PLCD3: variants seen among roughly 807,000 people sequenced by gnomAD.
PLCD3 encodes 1-phosphatidylinositol 4,5-bisphosphate phosphodiesterase delta-3.
A neutral mutation model predicts 82.8 loss-of-function variants in PLCD3; 62 were observed. That is an observed-to-expected ratio of 0.75 (90% CI 0.61 to 0.93). The LOEUF (loss-of-function observed/expected upper bound fraction) is 0.93. Ranked by LOEUF, PLCD3 falls within the 40% of genes least tolerant of loss-of-function variation. The pLI, the probability that PLCD3 is intolerant of heterozygous loss-of-function variation, is 0.00. For synonymous variants in PLCD3, 478 were observed against 471.8 expected, an observed-to-expected ratio of 1.01 and a Z score of -0.17; for missense variants, 1,023 against 1,103.4, an observed-to-expected ratio of 0.93 and a Z score of 1.03.
intron 7 of PLCD3, 107 bp from the exon 8 acceptor site, chr17:45,116,891 T>G: frequency 4.4e-6 from 6 of 1,370,272 alleles, no homozygotes; most frequent in South Asian, 1.6e-5. Flanking sequence ...GGCAGGGCTC[T>G]GGAGAACCCA....
In PLCD3 at chr17:45,112,491, C is replaced by G; in HGVS notation, c.*125G>C. 9.3e-7 allele frequency: 1 copy of G among 1,072,844 alleles called. No individual in the cohort carries two copies. Among genetic ancestry groups the G allele is most frequent in the Non-Finnish European group, 1.4e-6 (1 of 728,730 alleles). 66.5% of individuals were successfully genotyped at this position (1,072,844 alleles called of 1,614,324 possible). A position where few individuals can be genotyped will look rare whatever the true frequency, so the allele number is the denominator to read the frequency against. The stretch of plus-strand genomic sequence containing the variant: ...GTGAGACCAGCGCCTGGTGAATGGG[C>G]TGAGTGGGCCAAGTGGGTGGGCTGG... On this transcript the variant is annotated 3_prime_UTR_variant, in exon 15 of 15. Coordinates refer to ENST00000619929, the MANE Select transcript of PLCD3 (RefSeq NM_133373.5).
At chr17:45,123,302 C>T (rs1007021283) in intron 1 of PLCD3, among the ~76,000 whole-genome samples, 3 of 152,202 alleles carry the variant, frequency 2.0e-5, no homozygotes, top group Non-Finnish European at 4.4e-5. Context: ...TTGATTTGTC[C>T]TCAAGTGGAC....
At chr17:45,124,891 A>G (rs761997417) in intron 1 of PLCD3, among the ~76,000 whole-genome samples, 2 of 152,250 alleles carry the variant, frequency 1.3e-5, no homozygotes, top group Non-Finnish European at 2.9e-5. Context: ...AACGAAAGCC[A>G]AAAGGTGGAA....
chr17:45,109,659 C>T lies in PLCD3; in HGVS notation c.*2957G>A. Reference sequence around the variant, plus strand: ...GCCTGACCCCTCTAAAGCCCCCCAACCCTCCTGTCCCAAACCAAGTCACTC... The same window carrying T: ...GCCTGACCCCTCTAAAGCCCCCCAATCCTCCTGTCCCAAACCAAGTCACTC... On this transcript the variant is annotated 3_prime_UTR_variant, in exon 15 of 15. Coordinates refer to ENST00000619929, the MANE Select transcript of PLCD3 (RefSeq NM_133373.5). The T allele has an allele frequency of 6.6e-6, 1 of 152,628 alleles. No individual in the cohort carries two copies. The highest frequency in any genetic ancestry group is 1.5e-5 in the Non-Finnish European group (1 of 68,232). 9.5% of individuals were successfully genotyped at this position (152,628 alleles called of 1,614,324 possible).
At position 45,115,386 on chromosome 17, in the gene PLCD3, C is replaced by T. The variant is rs1163959174; in HGVS notation, c.1518G>A (p.Glu506=). 1 of 1,603,054 alleles carries T rather than the reference C, an allele frequency of 6.2e-7. No individual in the cohort carries two copies. The highest frequency in any genetic ancestry group is 1.7e-5 in the Admixed American group (1 of 58,986). Reference sequence around the variant, plus strand: ...CAGCCTCCACCTCCTCTTCTTCCTCCTCGTCATCCTCCTCCTCCTCCTCCC... The same window carrying T: ...CAGCCTCCACCTCCTCTTCTTCCTCTTCGTCATCCTCCTCCTCCTCCTCCC... ...SDREEEEEDD[E]EEEEEVEAAA... is the part of the protein sequence containing the mutation. Residue 506 remains glutamate (E), a synonymous_variant, in exon 9 of 15, where the codon GAG becomes GAA. Transcript: ENST00000619929.
rs1167844871 is a variant in PLCD3 at position 45,119,057 on chromosome 17, G to C, written c.685-14C>G. 1 of 1,587,534 alleles carries C rather than the reference G, an allele frequency of 6.3e-7. No homozygotes were observed. Among genetic ancestry groups the C allele is most frequent in the Non-Finnish European group, 8.6e-7 (1 of 1,165,408 alleles). ...GTGGTCACACTCCTGGGGAGCAGCA[G>C]GAGAAGCTCAGAGGAGGCAGACACT... On this transcript the variant is annotated splice_polypyrimidine_tract_variant and intron_variant, in intron 4 of 14. Coordinates refer to ENST00000619929, the MANE Select transcript of PLCD3 (RefSeq NM_133373.5).
intron 1 of PLCD3, among the ~76,000 whole-genome samples, chr17:45,122,590 A>G (rs773223560): frequency 4.6e-5 from 7 of 152,126 alleles, no homozygotes; most frequent in Non-Finnish European, 1.0e-4. Flanking sequence ...CAGTTATTTA[A>G]TACATGGCCC....
At position 45,120,507 on chromosome 17, in the gene PLCD3, G is replaced by A; in HGVS notation, c.555-53C>T. The A allele has an allele frequency of 3.7e-6, 6 of 1,610,532 alleles. No homozygotes were observed. The Middle Eastern group carries it at 1.0e-3, about 271-fold the overall frequency. On this transcript the variant is annotated intron_variant, in intron 3 of 14. Coordinates refer to ENST00000619929, the MANE Select transcript of PLCD3 (RefSeq NM_133373.5). Reference sequence around the variant, plus strand: ...CACGCCAGGCTGCCCCCAGCCCTCAGGTAACTGGCTGGTAAGTCACCCCCA... The same window carrying A: ...CACGCCAGGCTGCCCCCAGCCCTCAAGTAACTGGCTGGTAAGTCACCCCCA...
chr17:45,114,198 TC>T, intron 11 of PLCD3, 51 bp downstream of exon 11: 1 of 1,367,208 alleles, frequency 7.3e-7, no homozygotes, highest in South Asian at 1.4e-5. Flanking sequence ...TGCTGAGGCC[TC>T]CCCCACACTG....
rs1308834453 is a variant in PLCD3, at chr17:45,116,654, G to T, written c.1391C>A (p.Pro464His). Residue 464 changes from proline (P) to histidine (H), a missense_variant, in exon 8 of 15, where the codon CCC becomes CAC. Transcript: ENST00000619929. The part of the protein sequence containing the change: ...LVTQALDSPN[P>H]EELPSPEQLK... ...CACCTCTGGGGATGGCAGCTCCTCG[G>T]GATTTGGGGAGTCCAGCGCCTGTGT... 6.2e-7 allele frequency: 1 copy of T among 1,602,996 alleles called. No individual in the cohort carries two copies. The highest frequency in any genetic ancestry group is 8.5e-7 in the Non-Finnish European group (1 of 1,173,878).
At position 45,113,258 on chromosome 17, in the gene PLCD3, C is replaced by T. The variant is rs1350355898; in HGVS notation, c.1996-1G>A. 6.2e-7 allele frequency: 1 copy of T among 1,603,912 alleles called. No individual in the cohort carries two copies. Among genetic ancestry groups the T allele is most frequent in the Non-Finnish European group, 8.5e-7 (1 of 1,175,728 alleles). The stretch of plus-strand genomic sequence containing the variant: ...TGGGCAGCTGCTGTGCAGTCAGCAC[C>T]TGTGGGTGAGGGAGGGAGTGGCTGG... On this transcript the variant is annotated splice_acceptor_variant, in intron 12 of 14. Transcript: ENST00000619929. LOFTEE classifies it high-confidence loss of function.
chr17:45,126,120 T>C (rs1187509037), intron 1 of PLCD3, among the ~76,000 whole-genome samples: 1 of 151,286 alleles, frequency 6.6e-6, no homozygotes, highest in African/African-American at 2.4e-5. Flanking sequence ...CTTGGCTCAC[T>C]GCAAGCTCCG....
At chr17:45,113,816 G>A (rs1485533091) in intron 11 of PLCD3, among the ~76,000 whole-genome samples, 1 of 152,020 alleles carries the variant, frequency 6.6e-6, no homozygotes, top group African/African-American at 2.4e-5. Flanking sequence ...CAAGACTGGG[G>A]TGGGAGGTAC....
chr17:45,123,258 C>A (rs2054355163), intron 1 of PLCD3, among the ~76,000 whole-genome samples: 1 of 152,194 alleles, frequency 6.6e-6, no homozygotes, highest in Non-Finnish European at 1.5e-5. Context: ...CTTGAAGGAC[C>A]AGTTCAGATA....
In PLCD3 at chr17:45,114,159, C is replaced by A; in HGVS notation, c.1828+91G>T. 3 of 926,682 alleles carry A rather than the reference C, an allele frequency of 3.2e-6. No individual in the cohort carries two copies. In the South Asian group the frequency reaches 5.8e-5, roughly 18 times the overall value. The allele number at this position is 926,682 out of a possible 1,614,324, so 57.4% of individuals were successfully genotyped here. A position where few individuals can be genotyped will look rare whatever the true frequency, so the allele number is the denominator to read the frequency against. On this transcript the variant is annotated intron_variant, in intron 11 of 14. Transcript: ENST00000619929. ...ATAATCAACAAAATGCGTGTTTCCA[C>A]CGTCTGGAAGGCTGTGTGGGCCCCT...
At chr17:45,120,209 C>G (rs2054324902) in intron 4 of PLCD3, 116 bp downstream of exon 4, 5 of 1,420,494 alleles carry the variant, frequency 3.5e-6, no homozygotes, top group Non-Finnish European at 9.6e-7. Context: ...AGGCTGCTCG[C>G]TCCAAAAAAG....
Position 45,116,698 on chromosome 17 carries a change from G to T in PLCD3, c.1347C>A (p.Ile449=). The part of the protein sequence containing the change: ...QAAMARHLCT[I]LGDMLVTQAL... Reference sequence around the variant, plus strand: ...CCTGTGTCACCAGCATGTCCCCCAGGATGGTGCAGAGGTGGCGGGCCATGG... The same window carrying T: ...CCTGTGTCACCAGCATGTCCCCCAGTATGGTGCAGAGGTGGCGGGCCATGG... Residue 449 remains isoleucine (I), a synonymous_variant, in exon 8 of 15, where the codon ATC becomes ATA. Coordinates refer to ENST00000619929, the MANE Select transcript of PLCD3 (RefSeq NM_133373.5). The T allele has an allele frequency of 2.5e-6, 4 of 1,611,544 alleles. No homozygotes were observed. The highest frequency in any genetic ancestry group is 3.4e-6 in the Non-Finnish European group (4 of 1,178,656).
chr17:45,125,772 C>T lies in PLCD3; in HGVS notation c.164-4400G>A, dbSNP rs575285245. ...TCATGCTAAGTGAAAGAAGCCAGAC[C>T]CCAAACGACAAATACTATGTGATTC... On this transcript the variant is annotated intron_variant, in intron 1 of 14. Coordinates refer to ENST00000619929, the MANE Select transcript of PLCD3 (RefSeq NM_133373.5). 4.0e-3 allele frequency among the ~76,000 whole-genome samples: 604 copies of T among 152,240 alleles called. 5 individuals carry two copies. Among genetic ancestry groups the T allele is most frequent in the African/African-American group, 0.014 (588 of 41,528 alleles).
Position 45,120,413 on chromosome 17 carries a change from T to G in PLCD3, c.596A>C (p.Asp199Ala). ...SYLHRADSNQDSKMSFKEIKS... is the reference protein window; with the variant it reads ...SYLHRADSNQASKMSFKEIKS... ...GATCTCCTTGAAGCTCATCTTGCTG[T>G]CCTGGTTGGAGTCAGCCCGGTGCAG... is the stretch of plus-strand genomic sequence containing the variant. Residue 199 changes from aspartate to alanine, a missense_variant, in exon 4 of 15, where the codon GAC (aspartate) becomes GCC (alanine). Asp to Ala is a moderately radical substitution (Grantham distance 126). Around this residue, in one of 3 missense-constraint regions of PLCD3, gnomAD observed 448 missense variants for 406.3 expected, o/e 1.10. Coordinates refer to ENST00000619929, the MANE Select transcript of PLCD3 (RefSeq NM_133373.5). 6.2e-7 allele frequency: 1 copy of G among 1,613,998 alleles called. No homozygotes were observed. The highest frequency in any genetic ancestry group is 1.1e-5 in the South Asian group (1 of 91,090).
Sources: allele counts gnomAD v4.1 joint callset (sites outside exome capture counted in the v4.1 genomes callset), GRCh38; gene constraint gnomAD v4.1.1; regional missense constraint gnomAD v4.1.1; transcripts MANE v1.5; gene names NCBI Gene and HGNC (gene_info 2026-07-23, HGNC 2026-07-21).